HHIPL2: variants seen among roughly 807,000 people sequenced by gnomAD.
HHIPL2 encodes HHIP-like protein 2.
A neutral mutation model predicts 61.0 loss-of-function variants in HHIPL2; 61 were observed. The ratio of observed to expected loss-of-function variants is 1.00; its 90% confidence interval spans 0.81 to 1.24. HHIPL2 has a LOEUF of 1.24. HHIPL2 is among the 50% of genes most tolerant of loss of function. HHIPL2 has a pLI of 0.00. For synonymous variants in HHIPL2, 343 were observed against 357.4 expected (o/e 0.96, Z 0.45); for missense variants, 885 against 910.2 (o/e 0.97, Z 0.36).
chr1:222,539,982 G>A (rs1180400366), intron 4 of HHIPL2, 28 bp downstream of exon 4: 2 of 1,591,086 alleles, frequency 1.3e-6, no homozygotes, highest in African/African-American at 1.3e-5. Flanking sequence ...ACTCATCCAA[G>A]AAATCACCCA....
chr1:222,543,660 C>T lies in HHIPL2; in HGVS notation c.851G>A (p.Arg284His), dbSNP rs753929029. The T allele has an allele frequency of 5.6e-6, 9 of 1,614,074 alleles. No homozygotes were observed. Among genetic ancestry groups the T allele is most frequent in the Admixed American group, 1.7e-5 (1 of 60,012 alleles). ...FLGLAFHPKF[R>H]HNRKFYIYYS... ...ATAAATATAGAACTTGCGATTGTGG[C>T]GGAATTTGGGGTGAAAAGCCAACCC... The change falls in exon 2 of 9, where the codon CGC becomes CAC. Residue 284 changes from arginine (R) to histidine (H), a missense_variant. Coordinates refer to ENST00000343410, the MANE Select transcript of HHIPL2 (RefSeq NM_024746.4).
At chr1:222,543,510 C>G in intron 2 of HHIPL2, 27 bp downstream of exon 2, 1 of 1,590,714 alleles carries the variant, frequency 6.3e-7, no homozygotes, top group Non-Finnish European at 8.6e-7. Context: ...CACAGTACAG[C>G]TGTAGGCTCT....
In HHIPL2 at chr1:222,548,085, T is replaced by C. The variant is rs569642014; in HGVS notation, c.-41A>G. On this transcript the variant is annotated 5_prime_UTR_variant, in exon 1 of 9. Transcript: ENST00000343410. ...ACTCGGGCTGCTGTGTTTGCTCAGG[T>C]TGGCTTCCCTGCTCTGCCCAAGGTC... 1 of 1,435,376 alleles carries C rather than the reference T, an allele frequency of 7.0e-7. No homozygotes were observed. The highest frequency in any genetic ancestry group is 2.3e-5 in the East Asian group (1 of 43,002). 88.9% of individuals were successfully genotyped at this position (1,435,376 alleles called of 1,614,324 possible). A position where few individuals can be genotyped will look rare whatever the true frequency, so the allele number is the denominator to read the frequency against.
At chr1:222,543,143 C>G (rs1163949328) in intron 2 of HHIPL2, among the ~76,000 whole-genome samples, 3 of 152,194 alleles carry the variant, frequency 2.0e-5, no homozygotes, top group Non-Finnish European at 4.4e-5. Context: ...GGCCTTGTGC[C>G]ACAGCTTCCA....
chr1:222,523,769 C>A, intron 7 of HHIPL2, 75 bp from the exon 8 acceptor site: 1 of 1,400,354 alleles, frequency 7.1e-7, no homozygotes. Flanking sequence ...TACCAGAGGG[C>A]GTATATTTGC....
At chr1:222,537,914 C>T (rs945001970) in intron 5 of HHIPL2, among the ~76,000 whole-genome samples, 3 of 152,116 alleles carry the variant, frequency 2.0e-5, no homozygotes, top group Non-Finnish European at 2.9e-5. Flanking sequence ...ATACAGTAGC[C>T]ATGTTATTCA....
Position 222,522,342 on chromosome 1 carries a change from C to T in HHIPL2, c.*259G>A, listed in dbSNP as rs1365906295. 4 of 504,474 alleles carry T rather than the reference C, an allele frequency of 7.9e-6. No homozygotes were observed. In the South Asian group the frequency reaches 1.0e-4, roughly 13 times the overall value. 31.2% of individuals were successfully genotyped at this position (504,474 alleles called of 1,614,324 possible). A position where few individuals can be genotyped will look rare whatever the true frequency, so the allele number is the denominator to read the frequency against. Reference sequence around the variant, plus strand: ...CGGAGACATCCAGTGTGATTCCAAGCAGGCTCATGGACTAGTGCTTACCAT... The same window carrying T: ...CGGAGACATCCAGTGTGATTCCAAGTAGGCTCATGGACTAGTGCTTACCAT... On this transcript the variant is annotated 3_prime_UTR_variant, in exon 9 of 9. Coordinates refer to ENST00000343410, the MANE Select transcript of HHIPL2 (RefSeq NM_024746.4).
At chr1:222,547,174 A>G (rs928229420) in intron 1 of HHIPL2, among the ~76,000 whole-genome samples, 8 of 152,192 alleles carry the variant, frequency 5.3e-5, no homozygotes, top group African/African-American at 1.9e-4. Flanking sequence ...GCTACTCAGC[A>G]GCTTGCATCT....
At chr1:222,528,842 A>C (rs568633487) in intron 6 of HHIPL2, among the ~76,000 whole-genome samples, 60 of 61,088 alleles carry the variant, frequency 9.8e-4, no homozygotes, top group South Asian at 4.2e-3. Flanking sequence ...TTTTTTTTTT[A>C]GACAAGGTCT....
intron 5 of HHIPL2, among the ~76,000 whole-genome samples, chr1:222,537,370 CTTTCCCCTA>C (rs1659322316): frequency 6.6e-6 from 1 of 150,860 alleles, no homozygotes; most frequent in Non-Finnish European, 1.5e-5. Flanking sequence ...AAAATGAATG[CTTTCCCCTA>C]TTTCTATTCA....
rs1441856744 is a variant in HHIPL2 at position 222,543,757 on chromosome 1, C to A, written c.754G>T (p.Glu252Ter). 1 of 1,614,134 alleles carries A rather than the reference C, an allele frequency of 6.2e-7. No homozygotes were observed. The highest frequency in any genetic ancestry group is 8.5e-7 in the Non-Finnish European group (1 of 1,180,024). The change falls in exon 2 of 9, where the codon GAG (glutamate) becomes TAG (stop). Residue 252 changes from glutamate (E) to a stop codon, truncating the protein, a stop_gained. Transcript: ENST00000343410. LOFTEE classifies it high-confidence loss of function. The part of the protein sequence containing the change: ...WVYLPDGSRL[E>*]QPFLDLKNIV... ...TTCTTGAGGTCCAGGAAGGGTTGCT[C>A]CAGGCGACTCCCATCAGGGAGGTAG...
At chr1:222,527,154 T>G in intron 6 of HHIPL2, 104 bp from the exon 7 acceptor site, 2 of 831,430 alleles carry the variant, frequency 2.4e-6, no homozygotes, top group East Asian at 2.6e-5. Flanking sequence ...GGCCCTAAAA[T>G]GCAGTGAGCG....
chr1:222,540,389 C>T, intron 3 of HHIPL2, 48 bp from the exon 4 acceptor site: 2 of 1,506,110 alleles, frequency 1.3e-6, no homozygotes, highest in Non-Finnish European at 1.8e-6. Flanking sequence ...CAAGGAAAGC[C>T]ACAGGACTGG....
chr1:222,533,968 G>A (rs1275875182), intron 5 of HHIPL2, among the ~76,000 whole-genome samples: 1 of 152,210 alleles, frequency 6.6e-6, no homozygotes, highest in African/African-American at 2.4e-5. Flanking sequence ...GCAGATACAT[G>A]TGAGAAAATA....
chr1:222,530,530 C>T (rs1224632167), intron 6 of HHIPL2, among the ~76,000 whole-genome samples: 1 of 152,122 alleles, frequency 6.6e-6, no homozygotes, highest in African/African-American at 2.4e-5. Context: ...TTGAAGTTTC[C>T]TCTGCTCCTA....
At position 222,526,972 on chromosome 1, in the gene HHIPL2, G is replaced by A; in HGVS notation, c.1802C>T (p.Ser601Leu). ...AGAAAATGACATCAAATCTCACCTT[G>A]AGGGGTCAACAAACTTGTAAATAGA... ...RGSIYKFVDP[S>L]RRAPPGKCKY... The change falls in exon 7 of 9, where the codon TCA becomes TTA. Residue 601 changes from serine (S) to leucine (L), a missense_variant. Physicochemically the swap from Ser to Leu is moderately radical, Grantham distance 145 (BLOSUM62 -2). Coordinates refer to ENST00000343410, the MANE Select transcript of HHIPL2 (RefSeq NM_024746.4). 1.2e-6 allele frequency: 2 copies of A among 1,611,962 alleles called. No individual in the cohort carries two copies. The highest frequency in any genetic ancestry group is 1.1e-5 in the South Asian group (1 of 90,718).
At chr1:222,525,637 G>A (rs143015517) in intron 7 of HHIPL2, among the ~76,000 whole-genome samples, 340 of 152,292 alleles carry the variant, frequency 2.2e-3, no homozygotes, top group Non-Finnish European at 3.4e-3. Context: ...ATTTTCTTCT[G>A]CATGTCTATC....
At position 222,543,729 on chromosome 1, in the gene HHIPL2, A is replaced by C. The variant is rs139463892; in HGVS notation, c.782T>G (p.Ile261Ser). The C allele has an allele frequency of 1.2e-4, 197 of 1,614,004 alleles. No homozygotes were observed. Among genetic ancestry groups the C allele is most frequent in the Middle Eastern group, 3.3e-4 (2 of 6,084 alleles). Reference protein sequence around the residue: ...LEQPFLDLKNIVLTTPWIGDE... With the variant: ...LEQPFLDLKNSVLTTPWIGDE... ...CCCGATCCATGGGGTGGTCAACACG[A>C]TGTTCTTGAGGTCCAGGAAGGGTTG... The change falls in exon 2 of 9, where the codon ATC (isoleucine) becomes AGC (serine). Residue 261 changes from isoleucine to serine, a missense_variant. Ile to Ser is a moderately radical substitution (Grantham distance 142). Coordinates refer to ENST00000343410, the MANE Select transcript of HHIPL2 (RefSeq NM_024746.4).
chr1:222,541,199 TA>T (rs1259573442), intron 3 of HHIPL2, among the ~76,000 whole-genome samples: 1 of 152,210 alleles, frequency 6.6e-6, no homozygotes, highest in Non-Finnish European at 1.5e-5. Flanking sequence ...CGACAAATGT[TA>T]GCTTTGTATT....
Sources: gnomAD v4.1 joint callset for allele counts (sites outside exome capture counted in the v4.1 genomes callset) on GRCh38, gnomAD v4.1.1 for gene constraint, MANE v1.5 for transcripts, NCBI Gene and HGNC (gene_info 2026-07-23, HGNC 2026-07-21) for gene names.